The following ECHDC1 variants were observed in gnomAD, a reference collection of about 807,000 sequenced individuals.
ECHDC1 encodes the protein ethylmalonyl-CoA decarboxylase 1.
In ECHDC1, 29 loss-of-function variants were observed where a neutral mutation model predicts 29.7. The observed-to-expected ratio is 0.98, with a 90% CI of 0.73 to 1.33. The LOEUF is 1.33. Among genes scored for constraint, ECHDC1 ranks in the 40% most tolerant of loss-of-function variants. The pLI is 0.00. For missense variants in ECHDC1, 328 were observed against 350.0 expected (o/e 0.94, Z 0.50); for synonymous variants, 126 against 123.1 (o/e 1.02, Z -0.15).
At chr6:127,328,778 G>A (rs1783608306) in intron 2 of ECHDC1, among the ~76,000 whole-genome samples, 1 of 152,168 alleles carries the variant, frequency 6.6e-6, no homozygotes, top group African/African-American at 2.4e-5. Context: ...TGTAATCCCA[G>A]CACTTTGGGA....
In ECHDC1 at chr6:127,290,063, C is replaced by A. The variant is rs187049479; in HGVS notation, c.712G>T (p.Glu238Ter). ...AATTGCTTTAGCCATTCTTGTGCCT[C>A]TTCTAGAGATTTAGTTTCATCTGAA... ...QSSDETKSLE[E>*]AQEWLKQFIQ... is the part of the protein sequence containing the mutation. The change falls in exon 6 of 6, where the codon GAG (glutamate) becomes TAG (stop). Residue 238 changes from glutamate to a stop codon, truncating the protein, a stop_gained. Coordinates refer to ENST00000454859, the MANE Select transcript of ECHDC1 (RefSeq NM_001002030.2). LOFTEE classifies it high-confidence loss of function. 6.2e-7 allele frequency: 1 copy of A among 1,613,672 alleles called. No homozygotes were observed. The highest frequency in any genetic ancestry group is 8.5e-7 in the Non-Finnish European group (1 of 1,179,754).
intron 3 of ECHDC1, among the ~76,000 whole-genome samples, chr6:127,323,796 C>CTTTCT (rs1005888062): frequency 3.9e-5 from 6 of 152,110 alleles, no homozygotes; most frequent in South Asian, 2.1e-4. Flanking sequence ...CATTTCCTTC[C>CTTTCT]TTTCTTTTCT....
intron 1 of ECHDC1, among the ~76,000 whole-genome samples, chr6:127,334,933 C>T (rs1422385905): frequency 6.6e-6 from 1 of 151,344 alleles, no homozygotes; most frequent in African/African-American, 2.4e-5. Context: ...TGAGAGTATT[C>T]TGAGGTACAT....
intron 5 of ECHDC1, among the ~76,000 whole-genome samples, chr6:127,308,717 C>T (rs1340325036): frequency 1.3e-5 from 2 of 152,112 alleles, no homozygotes; most frequent in African/African-American, 4.8e-5. Flanking sequence ...ATCAAATTAT[C>T]CTTGTTTGTA....
intron 5 of ECHDC1, among the ~76,000 whole-genome samples, chr6:127,314,056 T>C (rs1782161239): frequency 6.6e-6 from 1 of 152,162 alleles, no homozygotes; most frequent in African/African-American, 2.4e-5. Flanking sequence ...CTTTACTGTT[T>C]TGCCATTTTA....
At chr6:127,330,550 C>T (rs1410844914) in intron 2 of ECHDC1, among the ~76,000 whole-genome samples, 1 of 152,036 alleles carries the variant, frequency 6.6e-6, no homozygotes, top group Non-Finnish European at 1.5e-5. Context: ...AAAATATAAT[C>T]AAGATTAATT....
At chr6:127,293,444 A>G (rs1780353505) in intron 5 of ECHDC1, among the ~76,000 whole-genome samples, 1 of 152,184 alleles carries the variant, frequency 6.6e-6, no homozygotes, top group African/African-American at 2.4e-5. Flanking sequence ...TAGGATGGCC[A>G]CTAGACTGGC....
intron 5 of ECHDC1, among the ~76,000 whole-genome samples, chr6:127,291,675 T>C (rs1199275413): frequency 6.6e-6 from 1 of 152,154 alleles, no homozygotes; most frequent in African/African-American, 2.4e-5. Flanking sequence ...AAGAAGACCT[T>C]AAGTTGGGTT....
At chr6:127,329,752 T>C (rs961630334) in intron 2 of ECHDC1, 2 of 326,692 alleles carry the variant, frequency 6.1e-6, no homozygotes, top group Non-Finnish European at 1.2e-5. Flanking sequence ...TTGTTAAACT[T>C]AATTTTACCT....
chr6:127,305,269 G>A (rs1052069069), intron 5 of ECHDC1, among the ~76,000 whole-genome samples: 3 of 152,156 alleles, frequency 2.0e-5, no homozygotes, highest in Non-Finnish European at 2.9e-5. Context: ...AGAATGGTAC[G>A]ACATACTGCA....
At chr6:127,297,465 C>T (rs1292727724) in intron 5 of ECHDC1, among the ~76,000 whole-genome samples, 1 of 152,168 alleles carries the variant, frequency 6.6e-6, no homozygotes, top group Non-Finnish European at 1.5e-5. Context: ...TAAGGCTAGT[C>T]CTTGGAGAAA....
chr6:127,308,712 A>C (rs914239991), intron 5 of ECHDC1, among the ~76,000 whole-genome samples: 1 of 152,208 alleles, frequency 6.6e-6, no homozygotes, highest in African/African-American at 2.4e-5. Context: ...AAGAAATCAA[A>C]TTATCCTTGT....
At position 127,290,292 on chromosome 6, in the gene ECHDC1, A is replaced by G; in HGVS notation, c.498-15T>C. ...GAGTCATTAACCTGTAAAAGAAAAAAGAAAAGCTTAATTGTAACTCTCTCT... is the reference window on the plus strand; with the variant it reads ...GAGTCATTAACCTGTAAAAGAAAAAGGAAAAGCTTAATTGTAACTCTCTCT... On this transcript the variant is annotated splice_polypyrimidine_tract_variant and intron_variant, in intron 5 of 5. Transcript: ENST00000454859. 1 of 1,598,966 alleles carries G rather than the reference A, an allele frequency of 6.3e-7. No individual in the cohort carries two copies. The highest frequency in any genetic ancestry group is 8.5e-7 in the Non-Finnish European group (1 of 1,174,304).
intron 3 of ECHDC1, chr6:127,317,874 T>C (rs1782525478): frequency 6.6e-6 from 1 of 152,238 alleles, no homozygotes. Flanking sequence ...TACAGTAAGA[T>C]GGCTTTGCTT....
intron 2 of ECHDC1, among the ~76,000 whole-genome samples, chr6:127,328,766 C>G (rs1190288484): frequency 6.6e-6 from 1 of 152,192 alleles, no homozygotes; most frequent in East Asian, 1.9e-4. Context: ...GTGGCTCACG[C>G]CTGTAATCCC....
intron 5 of ECHDC1, among the ~76,000 whole-genome samples, chr6:127,309,818 A>T (rs6930849): frequency 0.73 from 110,987 of 152,144 alleles, 40,665 homozygotes; most frequent in East Asian, 0.78. Flanking sequence ...AAGCAGGCAT[A>T]TCTTCACATG....
rs1289663245 is a variant in ECHDC1, at chr6:127,327,122, C to T, written c.243G>A (p.Leu81=). 1 of 1,613,668 alleles carries T rather than the reference C, an allele frequency of 6.2e-7. No individual in the cohort carries two copies. Among genetic ancestry groups the T allele is most frequent in the Non-Finnish European group, 8.5e-7 (1 of 1,179,884 alleles). The change falls in exon 3 of 6, where the codon CTG becomes CTA. Residue 81 remains leucine (L), a synonymous_variant. Coordinates refer to ENST00000454859, the MANE Select transcript of ECHDC1 (RefSeq NM_001002030.2). ...AFSGVMMLQL[L]EKVIELENWT... is the part of the protein sequence containing the mutation. ...AATTTTCCAATTCAATTACTTTTTC[C>T]AGAAGTTGTAGCATCATAACACCTG... is the stretch of plus-strand genomic sequence containing the variant.
intron 4 of ECHDC1, 90 bp downstream of exon 4, chr6:127,316,360 T>C: frequency 9.5e-7 from 1 of 1,057,602 alleles, no homozygotes; most frequent in Non-Finnish European, 1.4e-6. Flanking sequence ...GAAAATTAGC[T>C]ATTATTTCTT....
At chr6:127,318,629 GC>G (rs1782584724) in intron 3 of ECHDC1, among the ~76,000 whole-genome samples, 2 of 152,280 alleles carry the variant, frequency 1.3e-5, no homozygotes, top group South Asian at 4.1e-4. Flanking sequence ...AGTTAGACAG[GC>G]TTTAGAGAGG....
Sources: allele counts gnomAD v4.1 joint callset (sites outside exome capture counted in the v4.1 genomes callset), GRCh38; gene constraint gnomAD v4.1.1; transcripts MANE v1.5; gene names NCBI Gene and HGNC (gene_info 2026-07-23, HGNC 2026-07-21).